Variants in PHF11 observed in about 807,000 individuals in gnomAD.
PHF11 encodes PHD finger protein 11.
A neutral mutation model predicts 40.5 loss-of-function variants in PHF11; 38 were observed. That is an observed-to-expected ratio of 0.94 (90% CI 0.72 to 1.23). The LOEUF (loss-of-function observed/expected upper bound fraction) is 1.23, where lower values mean the gene tolerates loss of function less well. Among genes scored for constraint, PHF11 ranks in the 50% most tolerant of loss-of-function variants. PHF11 has a pLI of 0.00. For synonymous variants in PHF11, 127 were observed against 138.2 expected (o/e 0.92, Z 0.57); for missense variants, 369 against 392.4 (o/e 0.94, Z 0.50).
intron 2 of PHF11, among the ~76,000 whole-genome samples, chr13:49,508,556 GT>G (rs1959042290): frequency 6.6e-6 from 1 of 150,946 alleles, no homozygotes; most frequent in Non-Finnish European, 1.5e-5. Context: ...GTTTTGTTTT[GT>G]TACTTTTTTC....
At chr13:49,518,251 G>A (rs1332525429) in intron 4 of PHF11, 100 bp downstream of exon 4, 1 of 795,544 alleles carries the variant, frequency 1.3e-6, no homozygotes, top group Non-Finnish European at 1.9e-6. Context: ...TATGTAAATG[G>A]TTTTCAAATG....
chr13:49,517,931 G>T, intron 3 of PHF11, 87 bp from the exon 4 acceptor site: 1 of 746,548 alleles, frequency 1.3e-6, no homozygotes, highest in Non-Finnish European at 2.2e-6. Flanking sequence ...AGGGCTTCTG[G>T]AACTTAAATA....
Position 49,506,767 on chromosome 13 carries a change from T to G in PHF11, c.216+11T>G, listed in dbSNP as rs773153231. ...CATGAGAATTGTTTGGTAAGTTACT[T>G]GAAAACATACTTCAAAGTACATGAG... On this transcript the variant is annotated intron_variant, in intron 2 of 9. Transcript: ENST00000378319. 1.9e-5 allele frequency: 30 copies of G among 1,598,906 alleles called. No individual in the cohort carries two copies. The African/African-American group carries it at 3.9e-4, about 21-fold the overall frequency.
intron 4 of PHF11, among the ~76,000 whole-genome samples, chr13:49,519,601 T>C (rs1384002631): frequency 1.3e-5 from 2 of 151,752 alleles, no homozygotes. Context: ...AGAGAAGTTA[T>C]CACCTGGTGG....
intron 9 of PHF11, among the ~76,000 whole-genome samples, 173 bp from the exon 10 acceptor site, chr13:49,528,338 A>T (rs1489262722): frequency 6.6e-6 from 1 of 152,212 alleles, no homozygotes; most frequent in Non-Finnish European, 1.5e-5. Flanking sequence ...AATTAGAAGG[A>T]GGAAGTGAAG....
intron 8 of PHF11, among the ~76,000 whole-genome samples, chr13:49,525,065 T>C (rs1338071861): frequency 6.6e-6 from 1 of 152,192 alleles, no homozygotes; most frequent in Non-Finnish European, 1.5e-5. Flanking sequence ...TTCTATTCCT[T>C]AATAAGCCAA....
intron 2 of PHF11, among the ~76,000 whole-genome samples, chr13:49,508,362 A>ATATAATATATTACTATATTATATAT (rs1209055519): frequency 2.0e-5 from 3 of 147,106 alleles, no homozygotes; most frequent in South Asian, 2.1e-4. Flanking sequence ...ATATATTCAT[A>ATATAATATATTACTATATTATATAT]TATAATATAT....
chr13:49,504,153 C>A lies in PHF11; in HGVS notation c.95-2482C>A, dbSNP rs1174086350. On this transcript the variant is annotated intron_variant, in intron 1 of 9. Coordinates refer to ENST00000378319, the MANE Select transcript of PHF11 (RefSeq NM_001040443.3). ...AGTGCACAACATAGTGACTCAAACA[C>A]AAGAAATGCTCTCAGGCTGGGTGCA... Among the ~76,000 whole-genome samples, 13 of 152,092 alleles carry A rather than the reference C, an allele frequency of 8.5e-5. No homozygotes were observed. The East Asian group carries it at 2.5e-3, about 30-fold the overall frequency.
At chr13:49,512,515 A>G (rs1333953446) in intron 2 of PHF11, among the ~76,000 whole-genome samples, 1 of 152,194 alleles carries the variant, frequency 6.6e-6, no homozygotes, top group East Asian at 1.9e-4. Context: ...TTGATCTTCA[A>G]TTCAGATTTG....
At chr13:49,501,001 T>TTG (rs1958893232) in intron 1 of PHF11, among the ~76,000 whole-genome samples, 4 of 107,356 alleles carry the variant, frequency 3.7e-5, no homozygotes, top group African/African-American at 9.5e-5. Flanking sequence ...CCAACTTTTG[T>TTG]TTTTTTTTTT....
intron 4 of PHF11, among the ~76,000 whole-genome samples, chr13:49,520,533 T>G (rs112060852): frequency 1.3e-5 from 2 of 152,246 alleles, no homozygotes; most frequent in Admixed American, 1.3e-4. Context: ...CAGCAGAATC[T>G]TGTACAGTCA....
intron 4 of PHF11, 119 bp from the exon 5 acceptor site, chr13:49,520,775 C>T: frequency 4.9e-6 from 3 of 607,810 alleles, no homozygotes; most frequent in Middle Eastern, 9.5e-4. Flanking sequence ...AAAAAAAAAA[C>T]TTTAGTGTGA....
At position 49,508,263 on chromosome 13, in the gene PHF11, A is replaced by G. The variant is rs1366850371; in HGVS notation, c.216+1507A>G. Among the ~76,000 whole-genome samples, 3 of 147,186 alleles carry G rather than the reference A, an allele frequency of 2.0e-5. No homozygotes were observed. The Admixed American group carries it at 2.1e-4, about 10-fold the overall frequency. On this transcript the variant is annotated intron_variant, in intron 2 of 9. Transcript: ENST00000378319. The stretch of plus-strand genomic sequence containing the variant: ...TGTATTAATATATTATTAATGTGTT[A>G]TGTATTAATATATTAATTATATATT...
At chr13:49,502,719 G>A (rs951326060) in intron 1 of PHF11, among the ~76,000 whole-genome samples, 2 of 151,986 alleles carry the variant, frequency 1.3e-5, no homozygotes, top group African/African-American at 2.4e-5. Flanking sequence ...TTGATAATAC[G>A]TTTATTTGTT....
chr13:49,506,941 T>TCACCCAG (rs1478843735), intron 2 of PHF11, among the ~76,000 whole-genome samples, 185 bp downstream of exon 2: 3 of 141,206 alleles, frequency 2.1e-5, no homozygotes, highest in Non-Finnish European at 4.6e-5. Flanking sequence ...TTTCACTCTG[T>TCACCCAG]CACCCAGGCT....
chr13:49,522,647 G>C (rs1281094974), intron 6 of PHF11, among the ~76,000 whole-genome samples: 1 of 151,814 alleles, frequency 6.6e-6, no homozygotes, highest in Admixed American at 6.6e-5. Context: ...ATATGCGCCA[G>C]CAACCTTCAC....
intron 2 of PHF11, among the ~76,000 whole-genome samples, chr13:49,511,127 A>G (rs75864682): frequency 0.036 from 5,491 of 152,224 alleles, 295 homozygotes; most frequent in East Asian, 0.18. Context: ...TGTTGCATGT[A>G]TCTGTATCTT....
chr13:49,520,553 C>G (rs1025847212), intron 4 of PHF11, among the ~76,000 whole-genome samples: 1 of 152,184 alleles, frequency 6.6e-6, no homozygotes, highest in African/African-American at 2.4e-5. Context: ...AGATGGAAAT[C>G]TGCATGTCTT....
At chr13:49,522,128 T>C in intron 6 of PHF11, 21 bp downstream of exon 6, 1 of 1,287,154 alleles carries the variant, frequency 7.8e-7, no homozygotes, top group Non-Finnish European at 1.1e-6. Flanking sequence ...TTAGTTTTTA[T>C]AGCTTTGCAT....
Sources: allele counts gnomAD v4.1 joint callset (sites outside exome capture counted in the v4.1 genomes callset), GRCh38; gene constraint gnomAD v4.1.1; transcripts MANE v1.5; gene names NCBI Gene and HGNC (gene_info 2026-07-23, HGNC 2026-07-21).